The following PHF20 variants were observed in gnomAD, a reference collection of about 807,000 sequenced individuals.
PHF20 encodes PHD finger protein 20, also known as glioma-expressed antigen 2.
Under a neutral mutation model 113.5 loss-of-function variants are expected in PHF20, and 23 were observed. The ratio of observed to expected loss-of-function variants is 0.20; its 90% CI spans 0.15 to 0.29. PHF20 has a LOEUF of 0.29. Among genes scored for constraint, PHF20 ranks in the 10% least tolerant of loss-of-function variants. The pLI is 1.00. For missense variants in PHF20, 943 were observed against 1,219.6 expected (o/e 0.77, Z 3.38); for synonymous variants, 434 against 457.3 (o/e 0.95, Z 0.65).
chr20:35,881,975 C>G (rs549786845), intron 9 of PHF20, among the ~76,000 whole-genome samples: 1 of 152,278 alleles, frequency 6.6e-6, no homozygotes, highest in South Asian at 2.1e-4. Flanking sequence ...TAGTTGAGTT[C>G]TTTAGTAATT....
chr20:35,907,246 A>G (rs975710543), intron 10 of PHF20, among the ~76,000 whole-genome samples: 3 of 152,178 alleles, frequency 2.0e-5, no homozygotes, highest in Non-Finnish European at 4.4e-5. Flanking sequence ...AATACTCAAG[A>G]GTCAGCTGTA....
chr20:35,775,282 G>A (rs867189111), intron 1 of PHF20, among the ~76,000 whole-genome samples: 22 of 152,136 alleles, frequency 1.4e-4, no homozygotes, highest in African/African-American at 5.3e-4. Flanking sequence ...TACACTTTTA[G>A]TAGTGAGGTT....
chr20:35,883,197 AGAGT>A (rs550567722), intron 9 of PHF20, among the ~76,000 whole-genome samples: 166 of 152,264 alleles, frequency 1.1e-3, no homozygotes, highest in African/African-American at 3.9e-3. Context: ...CCTTGACAAC[AGAGT>A]GAGACCCTGT....
chr20:35,851,761 A>G (rs565217668), intron 4 of PHF20, among the ~76,000 whole-genome samples: 2 of 152,210 alleles, frequency 1.3e-5, no homozygotes, highest in African/African-American at 4.8e-5. Flanking sequence ...CTAAAAATAG[A>G]AAAATTAACC....
chr20:35,899,049 T>C (rs2055044527), intron 9 of PHF20, among the ~76,000 whole-genome samples: 2 of 151,880 alleles, frequency 1.3e-5, no homozygotes, highest in Admixed American at 1.3e-4. Flanking sequence ...CTGCTTGACC[T>C]GAGATCCTTT....
At chr20:35,794,769 C>A (rs1431061604) in intron 1 of PHF20, among the ~76,000 whole-genome samples, 2 of 152,270 alleles carry the variant, frequency 1.3e-5, no homozygotes, top group Admixed American at 1.3e-4. Context: ...TCTTTGTTGT[C>A]CCTCTTTTCC....
chr20:35,847,250 C>G (rs2042640725), intron 3 of PHF20, 100 bp from the exon 4 acceptor site: 1 of 723,412 alleles, frequency 1.4e-6, no homozygotes, highest in Admixed American at 3.0e-5. Context: ...TTCACACTTT[C>G]TTATCAATCC....
Position 35,913,258 on chromosome 20 carries a change from A to G in PHF20, c.1571A>G (p.Asp524Gly). Residue 524 changes from aspartate to glycine, a missense_variant, in exon 11 of 18, where the codon GAC (aspartate) becomes GGC (glycine). Physicochemically the swap from Asp to Gly is moderately conservative, Grantham distance 94. This residue lies in a region of PHF20 where 592 missense variants were observed against 787.2 expected (regional missense o/e 0.75). Transcript: ENST00000374012. ...TTGTGTTTAATTCTAGCTACAAAAGACAAGGAAAAGAATAAAGAGAAGAAA... is the reference window on the plus strand; with the variant it reads ...TTGTGTTTAATTCTAGCTACAAAAGGCAAGGAAAAGAATAAAGAGAAGAAA... The part of the protein sequence containing the change: ...RVSASSPTTK[D>G]KEKNKEKKFK... 2.5e-6 allele frequency: 4 copies of G among 1,599,540 alleles called. No individual in the cohort carries two copies. The highest frequency in any genetic ancestry group is 3.4e-6 in the Non-Finnish European group (4 of 1,170,038).
chr20:35,786,093 A>C (rs978136145), intron 1 of PHF20, among the ~76,000 whole-genome samples: 30 of 151,800 alleles, frequency 2.0e-4, no homozygotes, highest in Non-Finnish European at 2.9e-4. Flanking sequence ...GGTGTGTTTA[A>C]AAAAAGACTT....
chr20:35,858,289 T>C lies in PHF20; in HGVS notation c.341-13T>C. 1 of 1,384,050 alleles carries C rather than the reference T, an allele frequency of 7.2e-7. No homozygotes were observed. The highest frequency in any genetic ancestry group is 1.0e-6 in the Non-Finnish European group (1 of 977,398). 85.7% of individuals were successfully genotyped at this position (1,384,050 alleles called of 1,614,324 possible). On this transcript the variant is annotated splice_polypyrimidine_tract_variant and intron_variant, in intron 4 of 17. Coordinates refer to ENST00000374012, the MANE Select transcript of PHF20 (RefSeq NM_016436.5). ...ATTGTGAGTTAAAATCATGATATCT[T>C]CTTGAATTTTAGGTACTTACACTGT...
At chr20:35,923,681 G>A (rs1002255024) in intron 13 of PHF20, among the ~76,000 whole-genome samples, 1 of 152,086 alleles carries the variant, frequency 6.6e-6, no homozygotes, top group Non-Finnish European at 1.5e-5. Flanking sequence ...ACAAACAATA[G>A]CAAATGTATT....
chr20:35,943,006 G>A (rs1441065203), intron 17 of PHF20, among the ~76,000 whole-genome samples: 6 of 152,146 alleles, frequency 3.9e-5, no homozygotes, highest in Admixed American at 3.9e-4. Flanking sequence ...TATATTTTTA[G>A]TAGAGACAGG....
chr20:35,787,380 T>C (rs534998266), intron 1 of PHF20, among the ~76,000 whole-genome samples: 3 of 150,916 alleles, frequency 2.0e-5, no homozygotes, highest in African/African-American at 7.3e-5. Context: ...GGTTTCACCA[T>C]GTTGGTCAGG....
At chr20:35,917,276 G>C in intron 12 of PHF20, 1 of 665,032 alleles carries the variant, frequency 1.5e-6, no homozygotes, top group Non-Finnish European at 2.8e-6. Flanking sequence ...TGAGGAAGTG[G>C]AGTTGAGTTC....
At chr20:35,877,810 A>G (rs541157849) in intron 9 of PHF20, among the ~76,000 whole-genome samples, 1 of 152,340 alleles carries the variant, frequency 6.6e-6, no homozygotes, top group African/African-American at 2.4e-5. Flanking sequence ...TCTTTTTACT[A>G]AATACCTGGT....
At chr20:35,932,851 T>C (rs1317590668) in intron 15 of PHF20, among the ~76,000 whole-genome samples, 5 of 152,114 alleles carry the variant, frequency 3.3e-5, no homozygotes, top group Non-Finnish European at 1.5e-5. Context: ...GCTCTCCATT[T>C]CCCTTTCCCC....
At chr20:35,836,193 T>G (rs541279493) in intron 2 of PHF20, among the ~76,000 whole-genome samples, 1 of 152,154 alleles carries the variant, frequency 6.6e-6, no homozygotes, top group South Asian at 2.1e-4. Flanking sequence ...TTTAACTTTT[T>G]TTTTTTAGAG....
rs909268073 is a variant in PHF20 at position 35,864,957 on chromosome 20, G to A, written c.808+1557G>A. Among the ~76,000 whole-genome samples the A allele has an allele frequency of 4.6e-5, 7 of 152,066 alleles. No individual in the cohort carries two copies. In the South Asian group the frequency reaches 6.2e-4, roughly 13 times the overall value. ...TCTCAGTGGTTTGGGAGGTCCAGGC[G>A]GGTGGATTACTTGAGGTTAGGAGTT... On this transcript the variant is annotated intron_variant, in intron 6 of 17. Coordinates refer to ENST00000374012, the MANE Select transcript of PHF20 (RefSeq NM_016436.5).
intron 13 of PHF20, among the ~76,000 whole-genome samples, chr20:35,921,659 G>A (rs1478387361): frequency 6.6e-6 from 1 of 151,796 alleles, no homozygotes; most frequent in Non-Finnish European, 1.5e-5. Context: ...ACTCCAGCCT[G>A]GGTGACAGAA....
Sources: gnomAD v4.1 joint callset for allele counts (sites outside exome capture counted in the v4.1 genomes callset) on GRCh38, gnomAD v4.1.1 for gene constraint, gnomAD v4.1.1 regional missense constraint, MANE v1.5 for transcripts, NCBI Gene and HGNC (gene_info 2026-07-23, HGNC 2026-07-21) for gene names.